COLEC10: variants seen among roughly 807,000 people sequenced by gnomAD.
COLEC10 encodes collectin-10.
Under a neutral mutation model 28.4 loss-of-function variants are expected in COLEC10, and 22 were observed. The observed-to-expected ratio is 0.78, with a 90% CI of 0.55 to 1.11. The LOEUF (loss-of-function observed/expected upper bound fraction) is 1.11, where lower values mean the gene tolerates loss of function less well. Among genes scored for constraint, COLEC10 ranks in the 50% least tolerant of loss-of-function variants. The pLI is 0.00. For missense variants in COLEC10, 361 were observed against 344.1 expected, an observed-to-expected ratio of 1.05 and a Z score of -0.39; for synonymous variants, 125 against 116.1, an observed-to-expected ratio of 1.08 and a Z score of -0.49.
chr8:119,073,560 GT>G (rs898628895), intron 1 of COLEC10, among the ~76,000 whole-genome samples: 16 of 149,930 alleles, frequency 1.1e-4, no homozygotes, highest in African/African-American at 3.9e-4. Context: ...TCAGTGGTTT[GT>G]TTTTTTTTAA....
In COLEC10 at chr8:119,091,133, C is replaced by T; in HGVS notation, c.221-16C>T. 1 of 1,604,206 alleles carries T rather than the reference C, an allele frequency of 6.2e-7. No individual in the cohort carries two copies. The highest frequency in any genetic ancestry group is 8.5e-7 in the Non-Finnish European group (1 of 1,171,554). Reference sequence around the variant, plus strand: ...ATAAAACCTTATGATAAAAAGATAACATGTTTGCTTTTCAGGAATTAAAGG... The same window carrying T: ...ATAAAACCTTATGATAAAAAGATAATATGTTTGCTTTTCAGGAATTAAAGG... On this transcript the variant is annotated splice_polypyrimidine_tract_variant and intron_variant, in intron 2 of 5. Coordinates refer to ENST00000332843, the MANE Select transcript of COLEC10 (RefSeq NM_006438.5).
chr8:118,984,958 T>A, the COLEC10 span, among the ~76,000 whole-genome samples: 1 of 152,032 alleles, frequency 6.6e-6, no homozygotes, highest in South Asian at 2.1e-4. Flanking sequence ...GTGAGACCCA[T>A]TCACTATCAC....
chr8:119,004,074 G>A (rs1339043374), intron 1 of COLEC10, among the ~76,000 whole-genome samples: 5 of 152,038 alleles, frequency 3.3e-5, no homozygotes, highest in African/African-American at 1.2e-4. Context: ...AGAACAAGTA[G>A]CATACTTTTG....
At chr8:119,078,705 T>A (rs139649146) in intron 1 of COLEC10, among the ~76,000 whole-genome samples, 1 of 152,150 alleles carries the variant, frequency 6.6e-6, no homozygotes, top group Admixed American at 6.5e-5. Flanking sequence ...TAGTGATTGA[T>A]GATTATCAAA....
intron 3 of COLEC10, among the ~76,000 whole-genome samples, chr8:119,095,339 A>G (rs1815690140): frequency 6.6e-6 from 1 of 152,224 alleles, no homozygotes; most frequent in South Asian, 2.1e-4. Flanking sequence ...CTGGGTTGAG[A>G]GACTCAATAT....
intron 1 of COLEC10, among the ~76,000 whole-genome samples, chr8:119,005,968 T>C (rs1052835660): frequency 6.6e-6 from 1 of 152,092 alleles, no homozygotes; most frequent in Non-Finnish European, 1.5e-5. Context: ...CCCACCATTC[T>C]CATTTAGGAA....
At chr8:119,030,255 A>G (rs12056511) in intron 2 of COLEC10, among the ~76,000 whole-genome samples, 6,689 of 152,322 alleles carry the variant, frequency 0.044, 212 homozygotes, top group East Asian at 0.16. Context: ...CAATAAGAAT[A>G]TAATTTTAAG....
At chr8:118,977,064 C>G in the COLEC10 span, among the ~76,000 whole-genome samples, 1 of 150,698 alleles carries the variant, frequency 6.6e-6, no homozygotes, top group African/African-American at 2.4e-5. Flanking sequence ...CATCTCACAC[C>G]AGTTAGAATG....
intron 2 of COLEC10, among the ~76,000 whole-genome samples, chr8:119,017,665 A>T (rs1313926276): frequency 2.0e-5 from 3 of 152,134 alleles, no homozygotes; most frequent in Non-Finnish European, 4.4e-5. Flanking sequence ...CGGAGCTCCT[A>T]CATCACTATG....
At chr8:119,063,827 G>C (rs1324984846), upstream of COLEC10, among the ~76,000 whole-genome samples, 3 of 151,716 alleles carry the variant, frequency 2.0e-5, no homozygotes, top group South Asian at 2.1e-4. Flanking sequence ...ACAAAGCTAA[G>C]CCTGGAATTC....
chr8:119,008,582 AG>A (rs1021209840), intron 1 of COLEC10, among the ~76,000 whole-genome samples: 8 of 150,386 alleles, frequency 5.3e-5, no homozygotes, highest in Non-Finnish European at 1.0e-4. Flanking sequence ...GAGAATAACC[AG>A]TGGGATGATT....
At chr8:119,102,310 A>AATTTTATTTTT (rs2130305801) in intron 3 of COLEC10, 38 bp from the exon 4 acceptor site, 2 of 1,102,280 alleles carry the variant, frequency 1.8e-6, no homozygotes, top group African/African-American at 2.4e-5. Context: ...CTTTTATTTT[A>AATTTTATTTTT]ATTTTATTTT....
At chr8:119,091,552 C>T (rs1815595893) in intron 3 of COLEC10, among the ~76,000 whole-genome samples, 1 of 141,440 alleles carries the variant, frequency 7.1e-6, no homozygotes, top group Non-Finnish European at 1.5e-5. Context: ...AAGACCCTGT[C>T]TCGAAAGAAA....
the COLEC10 span, among the ~76,000 whole-genome samples, chr8:118,968,707 G>A: frequency 4.8e-4 from 73 of 151,732 alleles, no homozygotes; most frequent in Admixed American, 2.6e-4. Flanking sequence ...ATGTGCCATG[G>A]TGGTTTACTG....
At chr8:118,965,425 T>C in the COLEC10 span, among the ~76,000 whole-genome samples, 1 of 152,280 alleles carries the variant, frequency 6.6e-6, no homozygotes, top group African/African-American at 2.4e-5. Context: ...TGGCAACTTT[T>C]CTCAAAATTA....
At chr8:118,968,637 C>T in the COLEC10 span, among the ~76,000 whole-genome samples, 1 of 151,524 alleles carries the variant, frequency 6.6e-6, no homozygotes, top group African/African-American at 2.4e-5. Context: ...ATATAATATA[C>T]ACACACACAT....
chr8:118,952,300 C>G, the COLEC10 span: 1 of 165,026 alleles, frequency 6.1e-6, no homozygotes, highest in Non-Finnish European at 1.3e-5. Context: ...TCTCCTCCAC[C>G]CTGAGAGTCC....
chr8:119,010,225 G>T (rs558963112), intron 2 of COLEC10, among the ~76,000 whole-genome samples: 1 of 150,584 alleles, frequency 6.6e-6, no homozygotes, highest in Non-Finnish European at 1.5e-5. Flanking sequence ...TATCTTCAGC[G>T]TTTTGCCCAT....
In COLEC10 at chr8:119,102,400, A is replaced by C. The variant is rs372607153; in HGVS notation, c.345A>C (p.Ala115=). 9 of 1,608,518 alleles carry C rather than the reference A, an allele frequency of 5.6e-6. No homozygotes were observed. The highest frequency in any genetic ancestry group is 7.6e-6 in the Non-Finnish European group (9 of 1,176,838). Residue 115 remains alanine, a splice_region_variant and synonymous_variant, in exon 4 of 6, where the codon GCA becomes GCC. Coordinates refer to ENST00000332843, the MANE Select transcript of COLEC10 (RefSeq NM_006438.5). ...LLGIPGEKGK[A]GTVCDCGRYR... ...GAATACCTGGAGAAAAAGGCAAAGCAGGTACGATATGTTCAATGTTCTCTT... is the reference window on the plus strand; with the variant it reads ...GAATACCTGGAGAAAAAGGCAAAGCCGGTACGATATGTTCAATGTTCTCTT...
Sources: gnomAD v4.1 joint callset for allele counts (sites outside exome capture counted in the v4.1 genomes callset) on GRCh38, gnomAD v4.1.1 for gene constraint, MANE v1.5 for transcripts, NCBI Gene and HGNC (gene_info 2026-07-23, HGNC 2026-07-21) for gene names.